PDIK1L: variants seen among roughly 807,000 people sequenced by gnomAD.
PDIK1L encodes serine/threonine-protein kinase PDIK1L.
PDIK1L carries 9 observed loss-of-function variants against 27.1 expected under a neutral mutation model. The observed-to-expected ratio is 0.33, with a 90% CI of 0.20 to 0.58. The LOEUF (loss-of-function observed/expected upper bound fraction) is 0.58, where lower values mean the gene tolerates loss of function less well. Among genes scored for constraint, PDIK1L ranks in the 20% least tolerant of loss-of-function variants. The pLI, the probability that PDIK1L is intolerant of heterozygous loss-of-function variation, is 0.86. For synonymous variants in PDIK1L, 130 were observed against 141.7 expected (o/e 0.92, Z 0.59); for missense variants, 216 against 413.2 (o/e 0.52, Z 4.14).
rs2088003381 is a variant in PDIK1L at position 26,122,386 on chromosome 1, G to A, written c.835G>A (p.Val279Ile). Residue 279 changes from valine to isoleucine, a missense_variant, in exon 3 of 3, where the codon GTT becomes ATT. Val to Ile is a conservative substitution (Grantham distance 29). Coordinates refer to ENST00000374269, the MANE Select transcript of PDIK1L (RefSeq NM_152835.5). The surrounding 1 kb of genome is among the most constrained non-coding windows in gnomAD (Gnocchi z 5.4). ...AAAACAAGGAACTGAGATTGTGCCT[G>A]TTGGGGAGGCACTTCTGGAAAATCC... ...YVKQGTEIVP[V>I]GEALLENPKM... 1 of 1,614,136 alleles carries A rather than the reference G, an allele frequency of 6.2e-7. No homozygotes were observed. The highest frequency in any genetic ancestry group is 8.5e-7 in the Non-Finnish European group (1 of 1,179,994).
intron 2 of PDIK1L, among the ~76,000 whole-genome samples, chr1:26,118,959 G>A (rs2087926429): frequency 6.6e-6 from 1 of 152,186 alleles, no homozygotes; most frequent in African/African-American, 2.4e-5. Flanking sequence ...ATAGCCAAAA[G>A]CCTCATCTAG....
In PDIK1L at chr1:26,111,950, T is replaced by G. The variant is rs1309076652; in HGVS notation, c.-18+35T>G. The G allele has an allele frequency of 6.6e-6, 1 of 152,196 alleles. No individual in the cohort carries two copies. 9.4% of individuals were successfully genotyped at this position (152,196 alleles called of 1,614,324 possible). On this transcript the variant is annotated intron_variant, in intron 1 of 2. Transcript: ENST00000374269. The surrounding 1 kb of genome is among the most constrained non-coding windows in gnomAD (Gnocchi z 4.0). ...GCCTTTCGGCGTGGCGGAGAGGTCT[T>G]GCTGCAGAGCCGATGGCCCTGCATG...
chr1:26,120,555 T>C (rs891196795), intron 2 of PDIK1L, among the ~76,000 whole-genome samples: 4 of 152,326 alleles, frequency 2.6e-5, no homozygotes, highest in Non-Finnish European at 5.9e-5. Flanking sequence ...TACCAGTAGA[T>C]TTAAATGTGA....
At chr1:26,118,191 C>T (rs547008223) in intron 2 of PDIK1L, among the ~76,000 whole-genome samples, 38 of 152,080 alleles carry the variant, frequency 2.5e-4, no homozygotes, top group Admixed American at 1.4e-3. Context: ...CATGGTGGCA[C>T]GCACCTTTAG....
At chr1:26,118,313 C>G (rs994076140) in intron 2 of PDIK1L, among the ~76,000 whole-genome samples, 1 of 152,072 alleles carries the variant, frequency 6.6e-6, no homozygotes, top group Non-Finnish European at 1.5e-5. Context: ...AGAGTGGGAC[C>G]CTGTCTCAAA....
chr1:26,113,560 T>A (rs1470066201), intron 1 of PDIK1L, among the ~76,000 whole-genome samples: 1 of 150,628 alleles, frequency 6.6e-6, no homozygotes, highest in East Asian at 1.9e-4. Flanking sequence ...CATTATTGTG[T>A]AAGAAATAAG....
rs745430510 is a variant in PDIK1L, at chr1:26,114,376, A to G, written c.68A>G (p.Tyr23Cys). The G allele has an allele frequency of 6.2e-7, 1 of 1,614,118 alleles. No individual in the cohort carries two copies. Among genetic ancestry groups the G allele is most frequent in the South Asian group, 1.1e-5 (1 of 91,052 alleles). ...EVGRGSYGVVYEAVIRKTSAR... is the reference protein window; with the variant it reads ...EVGRGSYGVVCEAVIRKTSAR... ...GGCCGAGGTAGTTACGGTGTTGTGT[A>G]TGAAGCAGTCATCAGAAAGACCTCT... Residue 23 changes from tyrosine (Y) to cysteine (C), a missense_variant, in exon 2 of 3, where the codon TAT (tyrosine) becomes TGT (cysteine). Transcript: ENST00000374269. This position sits in a 1 kb window ranked among gnomAD's most constrained non-coding sequence, Gnocchi z 4.8.
At chr1:26,116,633 G>A (rs894736032) in intron 2 of PDIK1L, among the ~76,000 whole-genome samples, 7 of 152,210 alleles carry the variant, frequency 4.6e-5, no homozygotes, top group East Asian at 3.8e-4. Context: ...TTCCTTGTAC[G>A]ATGAGCAGTA....
chr1:26,116,488 C>CTG (rs2087878477), intron 2 of PDIK1L, among the ~76,000 whole-genome samples: 1 of 152,212 alleles, frequency 6.6e-6, no homozygotes, highest in South Asian at 2.1e-4. Context: ...GCACTGCAGC[C>CTG]TGGGTGACAG....
At position 26,122,675 on chromosome 1, in the gene PDIK1L, A is replaced by G; in HGVS notation, c.*98A>G. ...AAAAGAATATAAAAAGCTAGACTCT[A>G]CCCTCTAAGGGTTTAGATTTTTTGT... On this transcript the variant is annotated 3_prime_UTR_variant, in exon 3 of 3. Transcript: ENST00000374269. This position sits in a 1 kb window ranked among gnomAD's most constrained non-coding sequence, Gnocchi z 5.4. 7.1e-7 allele frequency: 1 copy of G among 1,416,032 alleles called. No individual in the cohort carries two copies. Among genetic ancestry groups the G allele is most frequent in the Non-Finnish European group, 9.4e-7 (1 of 1,062,378 alleles). The allele number at this position is 1,416,032 out of a possible 1,614,324, so 87.7% of individuals were successfully genotyped here.
intron 2 of PDIK1L, among the ~76,000 whole-genome samples, chr1:26,116,974 C>T (rs1013154271): frequency 5.3e-5 from 8 of 151,506 alleles, no homozygotes; most frequent in Admixed American, 5.3e-4. Context: ...CCTCGGCCTC[C>T]CAAAGTGTTG....
intron 1 of PDIK1L, among the ~76,000 whole-genome samples, chr1:26,112,169 G>A (rs1172862290): frequency 6.6e-6 from 1 of 152,232 alleles, no homozygotes; most frequent in Non-Finnish European, 1.5e-5. Context: ...AGGGGCTCAG[G>A]AGGCTCCCCT....
intron 2 of PDIK1L, among the ~76,000 whole-genome samples, chr1:26,119,622 G>A (rs1050997211): frequency 6.6e-6 from 1 of 152,170 alleles, no homozygotes; most frequent in Non-Finnish European, 1.5e-5. Context: ...CAGCACTTTG[G>A]GAGGCCGAGA....
In PDIK1L at chr1:26,124,528, G is replaced by A. The variant is rs1204796585; in HGVS notation, c.*1951G>A. On this transcript the variant is annotated 3_prime_UTR_variant, in exon 3 of 3. Transcript: ENST00000374269. Reference sequence around the variant, plus strand: ...AGCAGAGATTCATAGATGATGGTATGCCCATGCATCATTTGCTCTTCAAAT... The same window carrying A: ...AGCAGAGATTCATAGATGATGGTATACCCATGCATCATTTGCTCTTCAAAT... The A allele has an allele frequency of 6.6e-6, 1 of 152,172 alleles. No individual in the cohort carries two copies. The highest frequency in any genetic ancestry group is 1.5e-5 in the Non-Finnish European group (1 of 68,012). The allele number at this position is 152,172 out of a possible 1,614,324, so 9.4% of individuals were successfully genotyped here.
At chr1:26,112,917 A>G (rs981023377) in intron 1 of PDIK1L, among the ~76,000 whole-genome samples, 3 of 152,226 alleles carry the variant, frequency 2.0e-5, no homozygotes, top group African/African-American at 7.2e-5. Context: ...AGCCCACTTT[A>G]GACTTTCTCC....
intron 1 of PDIK1L, chr1:26,112,347 GC>G (rs1420052711): frequency 6.6e-6 from 1 of 152,238 alleles, no homozygotes; most frequent in African/African-American, 2.4e-5. Context: ...GGTTAGAGCA[GC>G]GGGAGCGAGG....
At chr1:26,112,118 C>A (rs1557592649) in intron 1 of PDIK1L, among the ~76,000 whole-genome samples, 1 of 152,204 alleles carries the variant, frequency 6.6e-6, no homozygotes, top group Admixed American at 6.5e-5. Context: ...CCCCCAGCCC[C>A]GAGGAGTTGA....
Position 26,114,738 on chromosome 1 carries a change from A to T in PDIK1L, c.285+145A>T. ...GATAAGTGTCTGCCAAGAATTGAGT[A>T]GATGTTTGCTTTAAAACAAGGTTTT... On this transcript the variant is annotated intron_variant, in intron 2 of 2. Coordinates refer to ENST00000374269, the MANE Select transcript of PDIK1L (RefSeq NM_152835.5). The surrounding 1 kb of genome is among the most constrained non-coding windows in gnomAD (Gnocchi z 4.8). 1.1e-6 allele frequency: 1 copy of T among 946,982 alleles called. No individual in the cohort carries two copies. The highest frequency in any genetic ancestry group is 1.6e-6 in the Non-Finnish European group (1 of 645,110). 58.7% of individuals were successfully genotyped at this position (946,982 alleles called of 1,614,324 possible). A position where few individuals can be genotyped will look rare whatever the true frequency, so the allele number is the denominator to read the frequency against.
chr1:26,120,822 C>T (rs929579428), intron 2 of PDIK1L, among the ~76,000 whole-genome samples: 7 of 152,006 alleles, frequency 4.6e-5, no homozygotes, highest in African/African-American at 1.4e-4. Context: ...CGTGGTGGCA[C>T]GCGCCTGTAG....
Sources: gnomAD v4.1 joint callset for allele counts (sites outside exome capture counted in the v4.1 genomes callset) on GRCh38, gnomAD v4.1.1 for gene constraint, Gnocchi (gnomAD v3.1) non-coding constraint, MANE v1.5 for transcripts, NCBI Gene and HGNC (gene_info 2026-07-23, HGNC 2026-07-21) for gene names.